SECISBP2L: variants seen among roughly 807,000 people sequenced by gnomAD.
SECISBP2L encodes SECIS binding protein 2 like.
A neutral mutation model predicts 114.7 loss-of-function variants in SECISBP2L; 43 were observed. The observed-to-expected ratio is 0.38, with a 90% confidence interval of 0.29 to 0.48. SECISBP2L has a LOEUF of 0.48. Among genes scored for constraint, SECISBP2L ranks in the 20% least tolerant of loss-of-function variants. The pLI, the probability that SECISBP2L is intolerant of heterozygous loss-of-function variation, is 0.98. For missense variants in SECISBP2L, 1,136 were observed against 1,301.1 expected (o/e 0.87, Z 1.95); for synonymous variants, 451 against 439.7 (o/e 1.03, Z -0.32).
At position 49,027,374 on chromosome 15, in the gene SECISBP2L, A is replaced by C; in HGVS notation, c.1026T>G (p.Asn342Lys). 1 of 1,607,898 alleles carries C rather than the reference A, an allele frequency of 6.2e-7. No homozygotes were observed. The highest frequency in any genetic ancestry group is 1.1e-5 in the South Asian group (1 of 90,244). The stretch of plus-strand genomic sequence containing the variant: ...ACCTAATTCGAATTACCTGTGAATT[A>C]TTTCTTTGTTCAGTTTGCCTTCCAC... The part of the protein sequence containing the change: ...SRGGRQTEQR[N>K]NSQVGFRCRG... Residue 342 changes from asparagine (N) to lysine (K), a missense_variant, in exon 7 of 18, where the codon AAT (asparagine) becomes AAG (lysine). This residue lies in a region of SECISBP2L where 452 missense variants were observed against 452.3 expected (regional missense o/e 1.00). Transcript: ENST00000559471.
rs780706602 is a variant in SECISBP2L, at chr15:49,033,043, T to C, written c.586A>G (p.Thr196Ala). The C allele has an allele frequency of 5.0e-6, 8 of 1,614,142 alleles. No individual in the cohort carries two copies. The highest frequency in any genetic ancestry group is 5.1e-6 in the Non-Finnish European group (6 of 1,180,006). ...CCTGCTGCATTTGTTTCTTTCTGAGTAGCTACATTTTTCACCAGCGGCCTT... is the reference window on the plus strand; with the variant it reads ...CCTGCTGCATTTGTTTCTTTCTGAGCAGCTACATTTTTCACCAGCGGCCTT... ...SKRPLVKNVA[T>A]QKETNAAGPD... Residue 196 changes from threonine to alanine, a missense_variant, in exon 4 of 18, where the codon ACT becomes GCT. Coordinates refer to ENST00000559471, the MANE Select transcript of SECISBP2L (RefSeq NM_001193489.2).
At position 49,034,664 on chromosome 15, in the gene SECISBP2L, C is replaced by CTTTTGTT. The variant is rs1555387324; in HGVS notation, c.528+663_528+669dup. The stretch of plus-strand genomic sequence containing the variant: ...TAACTTTTGAAGATTGAAAGTATAT[C>CTTTTGTT]TTTTGTTTTTTTTTTTTTGAGACAG... On this transcript the variant is annotated intron_variant, in intron 3 of 17. Transcript: ENST00000559471. 2.5e-4 allele frequency among the ~76,000 whole-genome samples: 16 copies of CTTTTGTT among 63,414 alleles called. 1 individual carries two copies. The highest frequency in any genetic ancestry group is 4.1e-4 in the Non-Finnish European group (11 of 26,592). 41.6% of individuals were successfully genotyped at this position (63,414 alleles called of 152,430 possible). A position where few individuals can be genotyped will look rare whatever the true frequency, so the allele number is the denominator to read the frequency against.
rs1279217239 is a variant in SECISBP2L, at chr15:48,989,564, T to C, written c.*2680A>G. ...TAAGCTAATATGAACATCTGTCTTT[T>C]GAGAAGTAATCTTCACAGCAAACAA... On this transcript the variant is annotated 3_prime_UTR_variant, in exon 18 of 18. Coordinates refer to ENST00000559471, the MANE Select transcript of SECISBP2L (RefSeq NM_001193489.2). 6.6e-6 allele frequency: 1 copy of C among 152,622 alleles called. No homozygotes were observed. The highest frequency in any genetic ancestry group is 2.4e-5 in the African/African-American group (1 of 41,468). The allele number at this position is 152,622 out of a possible 1,614,324, so 9.5% of individuals were successfully genotyped here.
At chr15:49,038,689 T>C (rs1315598004) in intron 1 of SECISBP2L, among the ~76,000 whole-genome samples, 2 of 152,112 alleles carry the variant, frequency 1.3e-5, no homozygotes, top group Non-Finnish European at 2.9e-5. Context: ...TATGTTATAG[T>C]TAACAACAAA....
intron 3 of SECISBP2L, 45 bp downstream of exon 3, chr15:49,035,289 A>G (rs1216526659): frequency 1.9e-6 from 3 of 1,551,720 alleles, no homozygotes; most frequent in African/African-American, 1.4e-5. Context: ...TTATACTAAT[A>G]TAAGTAATAT....
chr15:48,999,188 A>G (rs1487594085), intron 16 of SECISBP2L, among the ~76,000 whole-genome samples: 1 of 152,212 alleles, frequency 6.6e-6, no homozygotes, highest in Non-Finnish European at 1.5e-5. Context: ...AGACACATAC[A>G]CAAAAATAGT....
At position 48,999,716 on chromosome 15, in the gene SECISBP2L, G is replaced by A. The variant is rs576571860; in HGVS notation, c.2403+117C>T. 8.4e-5 allele frequency: 92 copies of A among 1,099,374 alleles called. 3 individuals carry two copies. In the South Asian group the frequency reaches 1.8e-3, roughly 22 times the overall value. The allele number at this position is 1,099,374 out of a possible 1,614,324, so 68.1% of individuals were successfully genotyped here. Reference sequence around the variant, plus strand: ...CAAAAAATTTCCATTTATTCTTTCAGGGTTGTCAACTCACTCCTTCAAATG... The same window carrying A: ...CAAAAAATTTCCATTTATTCTTTCAAGGTTGTCAACTCACTCCTTCAAATG... On this transcript the variant is annotated intron_variant, in intron 16 of 17. Coordinates refer to ENST00000559471, the MANE Select transcript of SECISBP2L (RefSeq NM_001193489.2).
intron 7 of SECISBP2L, 71 bp downstream of exon 7, chr15:49,027,294 C>A: frequency 9.3e-7 from 1 of 1,077,848 alleles, no homozygotes; most frequent in Admixed American, 1.7e-5. Flanking sequence ...TCCACTACAC[C>A]ACTGTAACTA....
At chr15:49,013,336 G>C (rs1426962710) in intron 11 of SECISBP2L, among the ~76,000 whole-genome samples, 1 of 151,734 alleles carries the variant, frequency 6.6e-6, no homozygotes, top group African/African-American at 2.4e-5. Context: ...CTACTCTGTC[G>C]CCCAAGCTGC....
intron 2 of SECISBP2L, among the ~76,000 whole-genome samples, chr15:49,036,151 C>T (rs1187925466): frequency 6.6e-6 from 1 of 152,200 alleles, no homozygotes; most frequent in African/African-American, 2.4e-5. Context: ...CTCATACTCC[C>T]CTAATCACTT....
chr15:49,019,562 C>A lies in SECISBP2L; in HGVS notation c.1036-10G>T. ...GGCATCTGAATCCAACCTAAGTAAA[C>A]CCCAGAGGGGAAAAAAAATCTAATT... On this transcript the variant is annotated splice_polypyrimidine_tract_variant and intron_variant, in intron 7 of 17. Transcript: ENST00000559471. 6.9e-7 allele frequency: 1 copy of A among 1,445,164 alleles called. No homozygotes were observed. Among genetic ancestry groups the A allele is most frequent in the South Asian group, 1.5e-5 (1 of 68,410 alleles). 89.5% of individuals were successfully genotyped at this position (1,445,164 alleles called of 1,614,324 possible).
chr15:49,033,137 C>T (rs749043090), intron 3 of SECISBP2L, 37 bp from the exon 4 acceptor site: 1 of 1,591,740 alleles, frequency 6.3e-7, no homozygotes, highest in South Asian at 1.1e-5. Context: ...AAAAAACACA[C>T]AACTATTCAA....
At chr15:49,025,082 C>T (rs1902714011) in intron 7 of SECISBP2L, among the ~76,000 whole-genome samples, 4 of 152,056 alleles carry the variant, frequency 2.6e-5, no homozygotes, top group African/African-American at 7.2e-5. Context: ...AAATTTCAGC[C>T]CGTATGTAAA....
At position 49,019,536 on chromosome 15, in the gene SECISBP2L, C is replaced by T. The variant is rs753115128; in HGVS notation, c.1052G>A (p.Arg351Gln). 4.2e-5 allele frequency: 62 copies of T among 1,483,066 alleles called. No individual in the cohort carries two copies. The highest frequency in any genetic ancestry group is 1.7e-4 in the Middle Eastern group (1 of 5,782). 91.9% of individuals were successfully genotyped at this position (1,483,066 alleles called of 1,614,324 possible). A position where few individuals can be genotyped will look rare whatever the true frequency, so the allele number is the denominator to read the frequency against. ...RNNSQVGFRC[R>Q]GHSTSSERRQ... ...TCTTTCTGAGGAAGTACTGTGTCCTCGGCATCTGAATCCAACCTAAGTAAA... is the reference window on the plus strand; with the variant it reads ...TCTTTCTGAGGAAGTACTGTGTCCTTGGCATCTGAATCCAACCTAAGTAAA... The change falls in exon 8 of 18, where the codon CGA becomes CAA. Residue 351 changes from arginine to glutamine, a missense_variant. By Grantham distance (43) the Arg-to-Gln change is conservative. Coordinates refer to ENST00000559471, the MANE Select transcript of SECISBP2L (RefSeq NM_001193489.2).
intron 17 of SECISBP2L, among the ~76,000 whole-genome samples, chr15:48,993,903 T>G (rs1272375706): frequency 1.3e-5 from 2 of 152,122 alleles, no homozygotes; most frequent in African/African-American, 4.8e-5. Context: ...CAGCTACTAT[T>G]TGCAGTTTAT....
intron 4 of SECISBP2L, among the ~76,000 whole-genome samples, chr15:49,031,520 C>G (rs144873647): frequency 6.6e-6 from 1 of 152,130 alleles, no homozygotes. Flanking sequence ...TTATTATAAA[C>G]TCTTATTAAA....
chr15:48,995,115 T>C (rs1902061314), intron 17 of SECISBP2L, among the ~76,000 whole-genome samples: 1 of 152,140 alleles, frequency 6.6e-6, no homozygotes, highest in Non-Finnish European at 1.5e-5. Flanking sequence ...GAGACTTTCG[T>C]TTTATACTAC....
chr15:49,009,513 C>T (rs1902394344), intron 13 of SECISBP2L, 135 bp from the exon 14 acceptor site: 1 of 733,116 alleles, frequency 1.4e-6, no homozygotes, highest in Admixed American at 3.0e-5. Flanking sequence ...ATAAGGTGGG[C>T]ATTTTTCATA....
intron 14 of SECISBP2L, among the ~76,000 whole-genome samples, chr15:49,008,087 T>C (rs945360456): frequency 2.0e-5 from 3 of 152,186 alleles, no homozygotes; most frequent in Admixed American, 6.5e-5. Flanking sequence ...ACTCTTTCCA[T>C]CTTTTCTAGT....
Sources: gnomAD v4.1 joint callset for allele counts (sites outside exome capture counted in the v4.1 genomes callset) on GRCh38, gnomAD v4.1.1 for gene constraint, gnomAD v4.1.1 regional missense constraint, MANE v1.5 for transcripts, NCBI Gene and HGNC (gene_info 2026-07-23, HGNC 2026-07-21) for gene names.